The following GLP2R variants were observed in gnomAD, a reference collection of about 807,000 sequenced individuals.
The protein encoded by GLP2R is glucagon like peptide 2 receptor.
GLP2R carries 59 observed loss-of-function variants against 68.2 expected under a neutral mutation model. The ratio of observed to expected loss-of-function variants is 0.87; its 90% CI spans 0.70 to 1.07. The LOEUF is 1.07. GLP2R is among the 50% of genes least tolerant of loss of function. GLP2R has a pLI of 0.00. For missense variants in GLP2R, 548 were observed against 677.4 expected, an observed-to-expected ratio of 0.81 and a Z score of 2.12; for synonymous variants, 270 against 265.4, an observed-to-expected ratio of 1.02 and a Z score of -0.17.
intron 4 of GLP2R, among the ~76,000 whole-genome samples, chr17:9,849,616 T>TC (rs1048433646): frequency 1.5e-5 from 2 of 137,136 alleles, no homozygotes; most frequent in African/African-American, 2.8e-5. Context: ...TCTTTTTTTT[T>TC]TTTTTTTTTT....
chr17:9,842,640 G>C, intron 4 of GLP2R, 24 bp downstream of exon 4: 1 of 1,612,224 alleles, frequency 6.2e-7, no homozygotes. Context: ...GCTCAGTGAG[G>C]AGGCATCCAG....
chr17:9,868,165 C>T (rs2067058043), intron 9 of GLP2R, among the ~76,000 whole-genome samples: 1 of 152,200 alleles, frequency 6.6e-6, no homozygotes, highest in Admixed American at 6.5e-5. Flanking sequence ...TTCCTCCTCT[C>T]CCAGTGATTC....
At chr17:9,833,149 G>C (rs924220042) in intron 1 of GLP2R, among the ~76,000 whole-genome samples, 1 of 151,670 alleles carries the variant, frequency 6.6e-6, no homozygotes, top group African/African-American at 2.4e-5. Flanking sequence ...TGTAGTCCCA[G>C]CTACTCGGGG....
chr17:9,849,602 T>C (rs1471761194), intron 4 of GLP2R, among the ~76,000 whole-genome samples: 1 of 116,082 alleles, frequency 8.6e-6, no homozygotes, highest in Non-Finnish European at 1.7e-5. Context: ...AATCTTTTTC[T>C]CTTTCTTTTT....
At chr17:9,874,086 G>A (rs2067122705) in intron 10 of GLP2R, among the ~76,000 whole-genome samples, 2 of 152,094 alleles carry the variant, frequency 1.3e-5, no homozygotes, top group Non-Finnish European at 2.9e-5. Flanking sequence ...TAAGAGGACA[G>A]ATAAAAATTA....
chr17:9,854,196 T>C (rs2066915556), intron 4 of GLP2R, among the ~76,000 whole-genome samples: 1 of 152,212 alleles, frequency 6.6e-6, no homozygotes, highest in Admixed American at 6.5e-5. Flanking sequence ...CCTCTTGTTC[T>C]GAACGCAATT....
intron 11 of GLP2R, among the ~76,000 whole-genome samples, chr17:9,882,464 C>T (rs1268322665): frequency 6.6e-6 from 1 of 152,188 alleles, no homozygotes; most frequent in East Asian, 1.9e-4. Flanking sequence ...TGTGTACATG[C>T]ATAAGGTTGC....
chr17:9,878,915 TAGA>T (rs1163993582), intron 10 of GLP2R, among the ~76,000 whole-genome samples: 2 of 152,066 alleles, frequency 1.3e-5, no homozygotes, highest in Non-Finnish European at 2.9e-5. Context: ...CTGGCCCCTT[TAGA>T]AGAAGTGACC....
chr17:9,828,333 G>A (rs951579934), intron 1 of GLP2R, among the ~76,000 whole-genome samples: 3 of 152,326 alleles, frequency 2.0e-5, no homozygotes, highest in African/African-American at 7.2e-5. Flanking sequence ...GGACTTCAAT[G>A]TGTTAGTGGT....
chr17:9,840,830 G>C (rs1286221712), intron 3 of GLP2R, among the ~76,000 whole-genome samples: 1 of 152,162 alleles, frequency 6.6e-6, no homozygotes, highest in Non-Finnish European at 1.5e-5. Flanking sequence ...CGCTCTATGC[G>C]GGGACCATGC....
chr17:9,874,669 A>G (rs1039543071), intron 10 of GLP2R, among the ~76,000 whole-genome samples: 17 of 152,058 alleles, frequency 1.1e-4, no homozygotes, highest in Non-Finnish European at 1.8e-4. Context: ...TGAGCTCACA[A>G]TATATATAAA....
chr17:9,858,339 C>T (rs1296959120), intron 6 of GLP2R, among the ~76,000 whole-genome samples: 1 of 152,192 alleles, frequency 6.6e-6, no homozygotes, highest in East Asian at 1.9e-4. Context: ...GGAATAAATC[C>T]AACTAGGTTT....
chr17:9,849,350 A>G (rs2066870833), intron 4 of GLP2R, among the ~76,000 whole-genome samples: 1 of 151,996 alleles, frequency 6.6e-6, no homozygotes, highest in African/African-American at 2.4e-5. Flanking sequence ...ACCTCCTAAG[A>G]TTAAGGACAT....
At chr17:9,852,791 C>A (rs2066903092) in intron 4 of GLP2R, 3 of 259,970 alleles carry the variant, frequency 1.2e-5, no homozygotes, top group African/African-American at 2.3e-5. Context: ...TCAAAATCAT[C>A]ATCTTCTTCA....
intron 10 of GLP2R, among the ~76,000 whole-genome samples, chr17:9,875,466 C>A (rs1396883488): frequency 6.6e-6 from 1 of 152,190 alleles, no homozygotes; most frequent in Non-Finnish European, 1.5e-5. Context: ...TAGAATGTAA[C>A]CCTGATCTGG....
chr17:9,829,335 T>C (rs2152028755), intron 1 of GLP2R, among the ~76,000 whole-genome samples: 1 of 152,090 alleles, frequency 6.6e-6, no homozygotes, highest in South Asian at 2.1e-4. Context: ...TTTTTTTTTT[T>C]TTTTGGTGAG....
intron 4 of GLP2R, chr17:9,852,828 A>T: frequency 2.8e-5 from 9 of 316,692 alleles, no homozygotes; most frequent in Admixed American, 4.4e-5. Flanking sequence ...CATCATCATC[A>T]TCTTCTCCAT....
rs192572540 is a variant in GLP2R at position 9,861,219 on chromosome 17, T to A, written c.986+20T>A. On this transcript the variant is annotated intron_variant, in intron 8 of 12. Transcript: ENST00000262441. The stretch of plus-strand genomic sequence containing the variant: ...CACAGGGTAGGTAATTCACCAGGTG[T>A]TATTCTTTCACGAGCCGGTAATTCC... The A allele has an allele frequency of 6.5e-7, 1 of 1,549,080 alleles. No individual in the cohort carries two copies. The highest frequency in any genetic ancestry group is 1.4e-5 in the African/African-American group (1 of 73,298).
At chr17:9,845,720 T>C (rs1251513308) in intron 4 of GLP2R, among the ~76,000 whole-genome samples, 1 of 150,142 alleles carries the variant, frequency 6.7e-6, no homozygotes, top group Non-Finnish European at 1.5e-5. Flanking sequence ...CTGCATTGGC[T>C]ATTTGGTTGG....
Sources: allele counts gnomAD v4.1 joint callset (sites outside exome capture counted in the v4.1 genomes callset), GRCh38; gene constraint gnomAD v4.1.1; transcripts MANE v1.5; gene names NCBI Gene and HGNC (gene_info 2026-07-23, HGNC 2026-07-21).